Variants in SYNE3 observed in about 807,000 individuals in gnomAD.
SYNE3 encodes spectrin repeat containing nuclear envelope family member 3.
SYNE3 carries 100 observed loss-of-function variants against 111.2 expected under a neutral mutation model. That is an observed-to-expected ratio of 0.90 (90% CI 0.77 to 1.06). SYNE3 has a LOEUF of 1.06. Among genes scored for constraint, SYNE3 ranks in the 50% least tolerant of loss-of-function variants. The pLI, the probability that SYNE3 is intolerant of heterozygous loss-of-function variation, is 0.00. For synonymous variants in SYNE3, 547 were observed against 533.9 expected, an observed-to-expected ratio of 1.02 and a Z score of -0.34; for missense variants, 1,160 against 1,240.3, an observed-to-expected ratio of 0.94 and a Z score of 0.97.
Position 95,409,541 on chromosome 14 carries a change from G to A in SYNE3, c.*8285C>T, listed in dbSNP as rs1287773843. 1 of 387,554 alleles carries A rather than the reference G, an allele frequency of 2.6e-6. No homozygotes were observed. The highest frequency in any genetic ancestry group is 5.1e-6 in the Non-Finnish European group (1 of 197,702). 24.0% of individuals were successfully genotyped at this position (387,554 alleles called of 1,614,324 possible). Reference sequence around the variant, plus strand: ...TCTCTCGGCTGGACAAGGTGGTTGGGTTGGGGATGATGTTACCATGACAAC... The same window carrying A: ...TCTCTCGGCTGGACAAGGTGGTTGGATTGGGGATGATGTTACCATGACAAC... On this transcript the variant is annotated 3_prime_UTR_variant, in exon 18 of 18. Coordinates refer to ENST00000682763, the MANE Select transcript of SYNE3 (RefSeq NM_152592.6).
chr14:95,494,972 C>T (rs750302361), intron 1 of SYNE3, among the ~76,000 whole-genome samples: 4 of 151,974 alleles, frequency 2.6e-5, no homozygotes, highest in Admixed American at 6.6e-5. Context: ...ATCAGTTGGG[C>T]GTGGTGGCAG....
At chr14:95,494,068 G>T (rs1399967933) in intron 1 of SYNE3, among the ~76,000 whole-genome samples, 2 of 151,920 alleles carry the variant, frequency 1.3e-5, no homozygotes, top group Non-Finnish European at 1.5e-5. Context: ...TGCAATCCCA[G>T]CTACTCAGGA....
At chr14:95,433,846 A>G (rs1205955582) in intron 15 of SYNE3, among the ~76,000 whole-genome samples, 2 of 152,182 alleles carry the variant, frequency 1.3e-5, no homozygotes, top group East Asian at 3.8e-4. Flanking sequence ...TTTTATTCTC[A>G]GGACTCCTGA....
At chr14:95,434,700 C>G (rs1885985664) in intron 15 of SYNE3, among the ~76,000 whole-genome samples, 1 of 152,188 alleles carries the variant, frequency 6.6e-6, no homozygotes, top group Non-Finnish European at 1.5e-5. Context: ...TCTTGTTGCC[C>G]AGGCTGGAGT....
chr14:95,437,987 G>A (rs1021590758), intron 14 of SYNE3: 7 of 152,294 alleles, frequency 4.6e-5, no homozygotes, highest in Non-Finnish European at 1.0e-4. Context: ...GGCCTATCCC[G>A]AGAGCTTGTT....
chr14:95,493,778 C>T (rs147878496), intron 1 of SYNE3, among the ~76,000 whole-genome samples: 165 of 152,334 alleles, frequency 1.1e-3, no homozygotes, highest in African/African-American at 3.9e-3. Context: ...GCCTTGAGCG[C>T]CAGGGTTCTC....
chr14:95,479,224 C>CAAAAA (rs71132351), intron 1 of SYNE3, among the ~76,000 whole-genome samples: 3 of 86,328 alleles, frequency 3.5e-5, no homozygotes, highest in South Asian at 3.7e-4. Context: ...TCGTCTCTAC[C>CAAAAA]AAAAAAAAAA....
chr14:95,431,235 G>A (rs1020450777), intron 17 of SYNE3, among the ~76,000 whole-genome samples: 3 of 152,196 alleles, frequency 2.0e-5, no homozygotes, highest in Non-Finnish European at 2.9e-5. Flanking sequence ...CAGGCCCCAG[G>A]GAAGTCTTCT....
At position 95,513,506 on chromosome 14, in the gene SYNE3, A is replaced by G. The variant is rs928389098; in HGVS notation, c.-15+3090T>C. Among the ~76,000 whole-genome samples the G allele has an allele frequency of 2.6e-5, 4 of 152,138 alleles. No individual in the cohort carries two copies. The East Asian group carries it at 7.7e-4, about 29-fold the overall frequency. On this transcript the variant is annotated intron_variant, in intron 1 of 17. Transcript: ENST00000682763. ...GGCATTCTGCTAAAGCATCATCCCC[A>G]GTTACCTCAATTATCTTCGCAGCAA...
At chr14:95,511,245 A>C (rs1008234879) in intron 1 of SYNE3, among the ~76,000 whole-genome samples, 10 of 152,240 alleles carry the variant, frequency 6.6e-5, no homozygotes, top group African/African-American at 2.4e-4. Context: ...CCTGCAAAAA[A>C]TAGGATGAGT....
chr14:95,454,302 A>C (rs1887277181), intron 6 of SYNE3, among the ~76,000 whole-genome samples: 1 of 152,278 alleles, frequency 6.6e-6, no homozygotes, highest in Admixed American at 6.5e-5. Flanking sequence ...CTTGAGTCAG[A>C]TTGCCTGGGT....
intron 1 of SYNE3, among the ~76,000 whole-genome samples, chr14:95,492,740 G>C (rs1392033971): frequency 6.6e-6 from 1 of 152,034 alleles, no homozygotes; most frequent in Non-Finnish European, 1.5e-5. Flanking sequence ...TTGAGGGTAG[G>C]CGAGGTGGCT....
intron 4 of SYNE3, among the ~76,000 whole-genome samples, chr14:95,463,297 T>A (rs938972303): frequency 6.6e-6 from 1 of 152,116 alleles, no homozygotes; most frequent in African/African-American, 2.4e-5. Context: ...GCGTTTTGGA[T>A]TGTGTGAGGG....
In SYNE3 at chr14:95,467,866, C is replaced by T. The variant is rs1223414151; in HGVS notation, c.246G>A (p.Gly82=). The change falls in exon 3 of 18, where the codon GGG becomes GGA. Residue 82 remains glycine (G), a synonymous_variant. Coordinates refer to ENST00000682763, the MANE Select transcript of SYNE3 (RefSeq NM_152592.6). ...LACCPGDQKP[G]ILARLKDIKA... ...TGATGTCCTTCAGCCGGGCCAGGAT[C>T]CCGGGCTTCTGGTCCCCAGGGCAGC... is the stretch of plus-strand genomic sequence containing the variant. 6.2e-7 allele frequency: 1 copy of T among 1,614,214 alleles called. No homozygotes were observed. Among genetic ancestry groups the T allele is most frequent in the Non-Finnish European group, 8.5e-7 (1 of 1,180,040 alleles).
chr14:95,446,796 A>C (rs999295135), intron 8 of SYNE3, among the ~76,000 whole-genome samples: 3 of 151,940 alleles, frequency 2.0e-5, no homozygotes, highest in African/African-American at 7.3e-5. Context: ...CCCAGGCCCT[A>C]CCTCCTCCAG....
intron 17 of SYNE3, among the ~76,000 whole-genome samples, chr14:95,426,764 A>G (rs1418567807): frequency 3.3e-5 from 5 of 151,660 alleles, no homozygotes; most frequent in African/African-American, 4.8e-5. Context: ...ACACAGTGAA[A>G]CCACGTCTCT....
At chr14:95,427,875 C>T (rs1440455849) in intron 17 of SYNE3, among the ~76,000 whole-genome samples, 1 of 152,168 alleles carries the variant, frequency 6.6e-6, no homozygotes, top group East Asian at 1.9e-4. Context: ...AAAAACTCAC[C>T]GACCCTGTGG....
chr14:95,441,415 T>C (rs1272426995), intron 11 of SYNE3, among the ~76,000 whole-genome samples: 2 of 152,208 alleles, frequency 1.3e-5, no homozygotes, highest in African/African-American at 4.8e-5. Flanking sequence ...CAACATCAGA[T>C]ACCTGCCCCC....
chr14:95,464,347 C>T (rs1888027900), intron 4 of SYNE3, among the ~76,000 whole-genome samples: 1 of 152,142 alleles, frequency 6.6e-6, no homozygotes, highest in African/African-American at 2.4e-5. Flanking sequence ...GTTTAATGCT[C>T]AGGCTGGAGT....
Sources: gnomAD v4.1 joint callset for allele counts (sites outside exome capture counted in the v4.1 genomes callset) on GRCh38, gnomAD v4.1.1 for gene constraint, MANE v1.5 for transcripts, NCBI Gene and HGNC (gene_info 2026-07-23, HGNC 2026-07-21) for gene names.